Variants in ERC2 observed in about 807,000 individuals in gnomAD.
ERC2 encodes ELKS/RAB6-interacting/CAST family member 2.
ERC2 carries 42 observed loss-of-function variants against 114.8 expected under a neutral mutation model. That is an observed-to-expected ratio of 0.37 (90% confidence interval 0.29 to 0.47). The LOEUF is 0.47. Ranked by LOEUF, ERC2 falls within the 20% of genes least tolerant of loss-of-function variation. ERC2 has a pLI of 0.99. For synonymous variants in ERC2, 454 were observed against 425.5 expected, an observed-to-expected ratio of 1.07 and a Z score of -0.82; for missense variants, 939 against 1,150.7, an observed-to-expected ratio of 0.82 and a Z score of 2.66.
At chr3:55,511,766 GAC>G (rs1391756518) in intron 17 of ERC2, among the ~76,000 whole-genome samples, 1 of 152,212 alleles carries the variant, frequency 6.6e-6, no homozygotes, top group African/African-American at 2.4e-5. Flanking sequence ...ACATAAATGT[GAC>G]AGTCATCCAT....
chr3:55,830,490 G>A (rs766714342), intron 14 of ERC2, among the ~76,000 whole-genome samples: 1 of 152,104 alleles, frequency 6.6e-6, no homozygotes, highest in Non-Finnish European at 1.5e-5. Flanking sequence ...GTCTTGGGAG[G>A]GGGTTTCAAT....
At chr3:55,890,940 G>A (rs1244616697) in intron 13 of ERC2, among the ~76,000 whole-genome samples, 5 of 152,038 alleles carry the variant, frequency 3.3e-5, no homozygotes, top group Admixed American at 1.3e-4. Flanking sequence ...CTATACCCTC[G>A]GAATCTCAGT....
At chr3:55,862,578 T>C (rs1013889279) in intron 14 of ERC2, among the ~76,000 whole-genome samples, 1 of 152,192 alleles carries the variant, frequency 6.6e-6, no homozygotes, top group Non-Finnish European at 1.5e-5. Context: ...ATTCTATTTG[T>C]CAGGTTTTCT....
At chr3:55,862,295 A>G in intron 14 of ERC2, among the ~76,000 whole-genome samples, 1 of 152,160 alleles carries the variant, frequency 6.6e-6, no homozygotes, top group Non-Finnish European at 1.5e-5. Context: ...GGCATCTGAG[A>G]GAAGCCATAT....
intron 14 of ERC2, among the ~76,000 whole-genome samples, chr3:55,873,156 C>T (rs2062664246): frequency 2.0e-5 from 3 of 152,190 alleles, no homozygotes; most frequent in Admixed American, 2.0e-4. Flanking sequence ...CCACAGCTCT[C>T]CTGCATGGAA....
At chr3:56,446,989 GA>G (rs1417440560) in intron 1 of ERC2, among the ~76,000 whole-genome samples, 1 of 152,196 alleles carries the variant, frequency 6.6e-6, no homozygotes, top group Non-Finnish European at 1.5e-5. Flanking sequence ...AGAAACAGTG[GA>G]GAACCGGCCT....
intron 5 of ERC2, among the ~76,000 whole-genome samples, chr3:56,144,565 G>A (rs1176601976): frequency 6.6e-6 from 1 of 152,206 alleles, no homozygotes; most frequent in Non-Finnish European, 1.5e-5. Flanking sequence ...ACAGTAGAAA[G>A]CCAGTGTCGG....
chr3:56,134,761 C>G (rs956737705), intron 6 of ERC2, among the ~76,000 whole-genome samples: 8 of 152,140 alleles, frequency 5.3e-5, no homozygotes, highest in African/African-American at 1.9e-4. Flanking sequence ...GAATCCTTCT[C>G]TGGCTTATTT....
chr3:56,371,578 A>G (rs1341824196), intron 2 of ERC2, among the ~76,000 whole-genome samples: 4 of 152,212 alleles, frequency 2.6e-5, no homozygotes, highest in Non-Finnish European at 4.4e-5. Flanking sequence ...ATGCACACAC[A>G]GTTAAAAATG....
chr3:56,274,767 A>G (rs920564486), intron 3 of ERC2, among the ~76,000 whole-genome samples: 8 of 152,224 alleles, frequency 5.3e-5, no homozygotes, highest in Non-Finnish European at 8.8e-5. Context: ...TTCTTGATAT[A>G]CCAGGAAGAG....
intron 3 of ERC2, 92 bp downstream of exon 3, chr3:56,295,927 G>A: frequency 7.5e-7 from 1 of 1,341,694 alleles, no homozygotes; most frequent in Non-Finnish European, 1.0e-6. Flanking sequence ...TTTTGTTAAG[G>A]ATGTAGATAT....
chr3:56,115,077 C>T (rs753411239), intron 6 of ERC2, among the ~76,000 whole-genome samples: 7 of 152,166 alleles, frequency 4.6e-5, no homozygotes, highest in Non-Finnish European at 7.3e-5. Context: ...GATGGATCAG[C>T]TGGTGCCACT....
chr3:56,235,993 C>A (rs1275235388), intron 3 of ERC2, among the ~76,000 whole-genome samples: 1 of 152,106 alleles, frequency 6.6e-6, no homozygotes, highest in Non-Finnish European at 1.5e-5. Flanking sequence ...CAAATTGGAT[C>A]TGGGAATTCA....
intron 14 of ERC2, among the ~76,000 whole-genome samples, chr3:55,774,728 C>T (rs1047451736): frequency 2.1e-4 from 32 of 152,232 alleles, no homozygotes; most frequent in African/African-American, 7.7e-4. Flanking sequence ...TTTCCTTAGC[C>T]TTGGCCAGCC....
At chr3:56,311,532 C>G (rs1032683545) in intron 2 of ERC2, among the ~76,000 whole-genome samples, 6 of 151,398 alleles carry the variant, frequency 4.0e-5, no homozygotes, top group African/African-American at 1.5e-4. Flanking sequence ...ATCTCCTGAC[C>G]TCGTGATCCG....
At chr3:56,086,494 T>A (rs2077510524) in intron 6 of ERC2, among the ~76,000 whole-genome samples, 2 of 110,946 alleles carry the variant, frequency 1.8e-5, no homozygotes, top group African/African-American at 6.9e-5. Flanking sequence ...AGGGTCTTCT[T>A]TTTTTTTTTT....
chr3:56,349,282 G>A (rs1409978827), intron 2 of ERC2, among the ~76,000 whole-genome samples: 2 of 152,038 alleles, frequency 1.3e-5, no homozygotes, highest in Admixed American at 6.6e-5. Flanking sequence ...CTCATCTCAC[G>A]AACACCTAAG....
chr3:55,991,946 T>C, intron 11 of ERC2, 111 bp downstream of exon 11: 2 of 945,786 alleles, frequency 2.1e-6, no homozygotes, highest in Non-Finnish European at 3.2e-6. Flanking sequence ...TTATGACTTG[T>C]TTCTAACTTG....
intron 2 of ERC2, among the ~76,000 whole-genome samples, chr3:56,415,476 G>A (rs1388254): frequency 0.35 from 53,505 of 152,016 alleles, 9,639 homozygotes; most frequent in Middle Eastern, 0.45. Flanking sequence ...TGAAAGTAAG[G>A]GAAATATAGA....
Sources: gnomAD v4.1 joint callset for allele counts (sites outside exome capture counted in the v4.1 genomes callset) on GRCh38, gnomAD v4.1.1 for gene constraint, MANE v1.5 for transcripts, NCBI Gene and HGNC (gene_info 2026-07-23, HGNC 2026-07-21) for gene names.